The following RNF144B variants were observed in gnomAD, a reference collection of about 807,000 sequenced individuals.
The protein encoded by RNF144B is ring finger protein 144B.
In RNF144B, 25 loss-of-function variants were observed where a neutral mutation model predicts 40.2. The observed-to-expected ratio is 0.62, with a 90% CI of 0.45 to 0.87. The LOEUF (loss-of-function observed/expected upper bound fraction) is 0.87. RNF144B is among the 40% of genes least tolerant of loss of function. RNF144B has a pLI of 0.00. For synonymous variants in RNF144B, 145 were observed against 136.3 expected, an observed-to-expected ratio of 1.06 and a Z score of -0.44; for missense variants, 365 against 373.7, an observed-to-expected ratio of 0.98 and a Z score of 0.19.
At chr6:18,413,386 A>C (rs964789738) in intron 2 of RNF144B, among the ~76,000 whole-genome samples, 1 of 152,248 alleles carries the variant, frequency 6.6e-6, no homozygotes, top group Non-Finnish European at 1.5e-5. Context: ...TGGTTTAAAA[A>C]ATCCAAGGAG....
At position 18,465,052 on chromosome 6, in the gene RNF144B, C is replaced by A. The variant is rs1046859254; in HGVS notation, c.897C>A (p.Asp299Glu). ...GTCGGGGCAAGAAGAAAAAGCACGA[C>A]CCATCCACAACCTAAAGATCTCTGT... ...KSCRGKKKKH[D>E]PSTT The change falls in exon 8 of 8, where the codon GAC becomes GAA. Residue 299 changes from aspartate (D) to glutamate (E), a missense_variant. Transcript: ENST00000259939. 2.5e-6 allele frequency: 4 copies of A among 1,613,602 alleles called. No individual in the cohort carries two copies. In the African/African-American group the frequency reaches 5.3e-5, roughly 22 times the overall value.
intron 3 of RNF144B, among the ~76,000 whole-genome samples, chr6:18,435,988 G>A (rs961191180): frequency 1.3e-5 from 2 of 151,360 alleles, no homozygotes; most frequent in Admixed American, 6.6e-5. Context: ...AAACCTGCAC[G>A]TTGTGCACAT....
Position 18,434,220 on chromosome 6 carries a change from T to C in RNF144B, c.271-5464T>C, listed in dbSNP as rs956709249. On this transcript the variant is annotated intron_variant, in intron 3 of 7. Coordinates refer to ENST00000259939, the MANE Select transcript of RNF144B (RefSeq NM_182757.4). This position sits in a 1 kb window ranked among gnomAD's most constrained non-coding sequence, Gnocchi z 4.1. ...CCCAATTTCTGTTTCATTTTTTTAA[T>C]TGAGTCTTTTTTTCTTAACTAAAAA... Among the ~76,000 whole-genome samples the C allele has an allele frequency of 2.0e-5, 3 of 152,194 alleles. No homozygotes were observed. The highest frequency in any genetic ancestry group is 4.4e-5 in the Non-Finnish European group (3 of 68,046).
chr6:18,449,406 A>G (rs1379612170), intron 4 of RNF144B, among the ~76,000 whole-genome samples: 1 of 152,174 alleles, frequency 6.6e-6, no homozygotes, highest in Non-Finnish European at 1.5e-5. Flanking sequence ...ATCTCTAGCA[A>G]TTTTTTTCTT....
intron 2 of RNF144B, among the ~76,000 whole-genome samples, chr6:18,423,001 A>G (rs1352693215): frequency 3.3e-5 from 5 of 151,676 alleles, no homozygotes; most frequent in East Asian, 1.9e-4. Flanking sequence ...CTTCCTCTCA[A>G]CAGTACCTAT....
rs1475735862 is a variant in RNF144B at position 18,468,294 on chromosome 6, G to A, written c.*3227G>A. 1 of 152,182 alleles carries A rather than the reference G, an allele frequency of 6.6e-6. No homozygotes were observed. Among genetic ancestry groups the A allele is most frequent in the Non-Finnish European group, 1.5e-5 (1 of 68,034 alleles). The allele number at this position is 152,182 out of a possible 1,614,324, so 9.4% of individuals were successfully genotyped here. Reference sequence around the variant, plus strand: ...GAAATTTTTTCTTGTTGTGAGGTAGGGAAGTGAGGAGGAAAGCCATGCCGA... The same window carrying A: ...GAAATTTTTTCTTGTTGTGAGGTAGAGAAGTGAGGAGGAAAGCCATGCCGA... On this transcript the variant is annotated 3_prime_UTR_variant, in exon 8 of 8. Coordinates refer to ENST00000259939, the MANE Select transcript of RNF144B (RefSeq NM_182757.4).
At chr6:18,463,457 C>T in intron 7 of RNF144B, 77 bp downstream of exon 7, 1 of 862,368 alleles carries the variant, frequency 1.2e-6, no homozygotes, top group South Asian at 1.4e-5. Context: ...CGCCTTTCCT[C>T]ATTATTCCCT....
intron 4 of RNF144B, among the ~76,000 whole-genome samples, chr6:18,453,161 T>G (rs1759249600): frequency 7.8e-6 from 1 of 128,078 alleles, no homozygotes; most frequent in Non-Finnish European, 1.6e-5. Flanking sequence ...TTTTTTGAGA[T>G]GGAGTCGCAC....
chr6:18,416,572 A>G lies in RNF144B; in HGVS notation c.166-11009A>G, dbSNP rs1271680342. 2.0e-5 allele frequency among the ~76,000 whole-genome samples: 3 copies of G among 152,224 alleles called. No homozygotes were observed. Among genetic ancestry groups the G allele is most frequent in the African/African-American group, 7.2e-5 (3 of 41,466 alleles). ...TTGGAGTCCAGATTTAATCTCCCAT[A>G]TTGAATGACTGTCCTCAAACTTACA... On this transcript the variant is annotated intron_variant, in intron 2 of 7. Transcript: ENST00000259939. The surrounding 1 kb of genome is among the most constrained non-coding windows in gnomAD (Gnocchi z 5.5).
intron 1 of RNF144B, among the ~76,000 whole-genome samples, chr6:18,396,057 A>G (rs1344067089): frequency 1.3e-5 from 2 of 152,208 alleles, no homozygotes; most frequent in Non-Finnish European, 2.9e-5. Flanking sequence ...CATCTCTGCT[A>G]TGTAAAGGTT....
Position 18,441,505 on chromosome 6 carries a change from C to T in RNF144B, c.331+1761C>T, listed in dbSNP as rs1174616449. Among the ~76,000 whole-genome samples, 1 of 152,142 alleles carries T rather than the reference C, an allele frequency of 6.6e-6. No individual in the cohort carries two copies. The highest frequency in any genetic ancestry group is 6.5e-5 in the Admixed American group (1 of 15,268). ...TACTTCCCTGGCTAACTTCACTGCCCCATATGTCAGCAACAGGCCTTGTTC... is the reference window on the plus strand; with the variant it reads ...TACTTCCCTGGCTAACTTCACTGCCTCATATGTCAGCAACAGGCCTTGTTC... On this transcript the variant is annotated intron_variant, in intron 4 of 7. Coordinates refer to ENST00000259939, the MANE Select transcript of RNF144B (RefSeq NM_182757.4). The surrounding 1 kb of genome is among the most constrained non-coding windows in gnomAD (Gnocchi z 4.9).
rs557325889 is a variant in RNF144B at position 18,449,650 on chromosome 6, T to C, written c.332-7505T>C. On this transcript the variant is annotated intron_variant, in intron 4 of 7. Transcript: ENST00000259939. ...AATCTATTTAATGAATTTTTAAAAATTGACAGATAAAATTGTATGTATTTA... is the reference window on the plus strand; with the variant it reads ...AATCTATTTAATGAATTTTTAAAAACTGACAGATAAAATTGTATGTATTTA... 7.2e-5 allele frequency among the ~76,000 whole-genome samples: 11 copies of C among 151,942 alleles called. No individual in the cohort carries two copies. The South Asian group carries it at 1.4e-3, about 20-fold the overall frequency.
rs1758989947 is a variant in RNF144B, at chr6:18,442,646, T to C, written c.331+2902T>C. 1.3e-5 allele frequency among the ~76,000 whole-genome samples: 2 copies of C among 152,224 alleles called. No individual in the cohort carries two copies. The highest frequency in any genetic ancestry group is 6.5e-5 in the Admixed American group (1 of 15,280). Reference sequence around the variant, plus strand: ...CATACAGTTGTGCAGCCATCACCACTGCTTCTAAAGCTCTTTCATGATCCC... The same window carrying C: ...CATACAGTTGTGCAGCCATCACCACCGCTTCTAAAGCTCTTTCATGATCCC... On this transcript the variant is annotated intron_variant, in intron 4 of 7. Transcript: ENST00000259939. The surrounding 1 kb of genome is among the most constrained non-coding windows in gnomAD (Gnocchi z 4.3).
At chr6:18,394,374 C>T (rs545020965) in intron 1 of RNF144B, among the ~76,000 whole-genome samples, 2 of 152,036 alleles carry the variant, frequency 1.3e-5, no homozygotes, top group East Asian at 1.9e-4. Flanking sequence ...CCGAGGTGGG[C>T]GGATCATGAG....
intron 2 of RNF144B, among the ~76,000 whole-genome samples, chr6:18,417,773 A>G (rs920607694): frequency 2.6e-5 from 4 of 152,210 alleles, no homozygotes; most frequent in African/African-American, 9.6e-5. Context: ...GCTTCAATGG[A>G]CATCATCAAG....
chr6:18,421,720 G>A (rs1758431501), intron 2 of RNF144B, among the ~76,000 whole-genome samples: 1 of 152,040 alleles, frequency 6.6e-6, no homozygotes, highest in African/African-American at 2.4e-5. Context: ...AGAACTCTTG[G>A]GTTCCCAAGA....
In RNF144B at chr6:18,464,044, G is replaced by A. The variant is rs551903712; in HGVS notation, c.771+664G>A. Among the ~76,000 whole-genome samples, 21 of 152,272 alleles carry A rather than the reference G, an allele frequency of 1.4e-4. 1 individual carries two copies. In the South Asian group the frequency reaches 3.9e-3, roughly 29 times the overall value. ...TGGGGATTATTACAATTCAAGATGA[G>A]ATTTGGGTGGGGACACAGCCAAACC... is the stretch of plus-strand genomic sequence containing the variant. On this transcript the variant is annotated intron_variant, in intron 7 of 7. Transcript: ENST00000259939. This position sits in a 1 kb window ranked among gnomAD's most constrained non-coding sequence, Gnocchi z 6.1.
chr6:18,462,851 A>G (rs1408620060), intron 6 of RNF144B, among the ~76,000 whole-genome samples: 1 of 151,910 alleles, frequency 6.6e-6, no homozygotes, highest in Non-Finnish European at 1.5e-5. Context: ...CTTCTCTGTG[A>G]TTGCTTCTCC....
chr6:18,409,402 A>G (rs12210978), intron 2 of RNF144B, among the ~76,000 whole-genome samples: 72,476 of 118,154 alleles, frequency 0.61, 22,993 homozygotes, highest in Non-Finnish European at 0.67. Context: ...AAAAAAAAAA[A>G]ACCCTGGAAA....
Sources: gnomAD v4.1 joint callset for allele counts (sites outside exome capture counted in the v4.1 genomes callset) on GRCh38, gnomAD v4.1.1 for gene constraint, Gnocchi (gnomAD v3.1) non-coding constraint, MANE v1.5 for transcripts, NCBI Gene and HGNC (gene_info 2026-07-23, HGNC 2026-07-21) for gene names.